Variants in ZBTB20 observed in about 807,000 individuals in gnomAD.
ZBTB20 encodes zinc finger and BTB domain-containing protein 20.
In ZBTB20, 9 loss-of-function variants were observed where a neutral mutation model predicts 56.9. The ratio of observed to expected loss-of-function variants is 0.16; its 90% CI spans 0.10 to 0.28. The LOEUF (loss-of-function observed/expected upper bound fraction) is 0.28. Among genes scored for constraint, ZBTB20 ranks in the 10% least tolerant of loss-of-function variants. ZBTB20 has a pLI of 1.00. For missense variants in ZBTB20, 655 were observed against 1,003.0 expected (o/e 0.65, Z 4.69); for synonymous variants, 417 against 420.7 (o/e 0.99, Z 0.11).
intron 4 of ZBTB20, among the ~76,000 whole-genome samples, chr3:114,801,458 A>T (rs1196508513): frequency 2.0e-5 from 3 of 151,526 alleles, no homozygotes; most frequent in Admixed American, 1.3e-4. Context: ...CTTCATAATG[A>T]TATGACTAGA....
At position 114,794,367 on chromosome 3, in the gene ZBTB20, A is replaced by G. The variant is rs546353760; in HGVS notation, c.-343+6734T>C. ...TTCTACACAAGACCTTGAAAGGGTT[A>G]TGATAGGGGCTTTGATCACATATTA... On this transcript the variant is annotated intron_variant, in intron 5 of 11. Transcript: ENST00000675478. Among the ~76,000 whole-genome samples, 8 of 152,246 alleles carry G rather than the reference A, an allele frequency of 5.3e-5. No individual in the cohort carries two copies. In the East Asian group the frequency reaches 1.5e-3, roughly 29 times the overall value.
intron 5 of ZBTB20, among the ~76,000 whole-genome samples, chr3:114,733,062 C>T (rs2065874901): frequency 6.6e-6 from 1 of 152,002 alleles, no homozygotes; most frequent in African/African-American, 2.4e-5. Context: ...AAATGGTCTA[C>T]CAGACATAAA....
At chr3:114,701,823 G>T (rs1426139337) in intron 5 of ZBTB20, among the ~76,000 whole-genome samples, 2 of 152,088 alleles carry the variant, frequency 1.3e-5, no homozygotes, top group East Asian at 3.9e-4. Context: ...AAGGGTAAAT[G>T]ACTCCTAAAA....
intron 5 of ZBTB20, among the ~76,000 whole-genome samples, chr3:114,715,916 A>G (rs753502891): frequency 4.6e-5 from 7 of 152,220 alleles, no homozygotes; most frequent in Non-Finnish European, 1.0e-4. Flanking sequence ...GATTCTGAGC[A>G]ACTAGAGGCT....
chr3:114,845,602 T>C (rs1418458523), intron 4 of ZBTB20, among the ~76,000 whole-genome samples: 1 of 151,872 alleles, frequency 6.6e-6, no homozygotes, highest in Non-Finnish European at 1.5e-5. Context: ...CAATTGTAAA[T>C]AAGCCTCAGG....
At chr3:114,587,767 T>C (rs1248695480) in intron 6 of ZBTB20, among the ~76,000 whole-genome samples, 1 of 152,172 alleles carries the variant, frequency 6.6e-6, no homozygotes, top group Non-Finnish European at 1.5e-5. Context: ...GCCTTTTCTC[T>C]CTTGCTTACT....
chr3:114,884,172 G>T (rs534830399), intron 4 of ZBTB20, among the ~76,000 whole-genome samples: 36 of 151,558 alleles, frequency 2.4e-4, no homozygotes, highest in African/African-American at 8.5e-4. Context: ...TGATCCGCCC[G>T]CCTCGGCCTC....
intron 1 of ZBTB20, among the ~76,000 whole-genome samples, chr3:115,080,876 G>T (rs566441373): frequency 1.8e-4 from 27 of 152,152 alleles, no homozygotes; most frequent in Non-Finnish European, 3.4e-4. Context: ...GTAGAAGCAG[G>T]GAGGGAAGCT....
At chr3:114,995,332 A>C (rs1020073897) in intron 2 of ZBTB20, among the ~76,000 whole-genome samples, 1 of 152,014 alleles carries the variant, frequency 6.6e-6, no homozygotes, top group East Asian at 1.9e-4. Context: ...ATACTTTTGA[A>C]ATAGTTCATA....
At chr3:115,015,430 C>A (rs1027390544) in intron 2 of ZBTB20, among the ~76,000 whole-genome samples, 1 of 151,706 alleles carries the variant, frequency 6.6e-6, no homozygotes, top group Non-Finnish European at 1.5e-5. Flanking sequence ...TTAAACCCAG[C>A]ATCCATTAAC....
Position 114,350,549 on chromosome 3 carries a change from G to A in ZBTB20, c.1529C>T (p.Ala510Val), listed in dbSNP as rs1187049420. 6.2e-7 allele frequency: 1 copy of A among 1,614,040 alleles called. No individual in the cohort carries two copies. Among genetic ancestry groups the A allele is most frequent in the Non-Finnish European group, 8.5e-7 (1 of 1,180,020 alleles). Reference protein sequence around the residue: ...IGTAGNTYLPALFTTQPAGSG... With the variant: ...IGTAGNTYLPVLFTTQPAGSG... ...GCCCGCGGGCTGGGTAGTGAAGAGG[G>A]CTGGCAGGTAGGTGTTGCCAGCTGT... is the stretch of plus-strand genomic sequence containing the variant. Residue 510 changes from alanine to valine, a missense_variant, in exon 11 of 12, where the codon GCC (alanine) becomes GTC (valine). Coordinates refer to ENST00000675478, the MANE Select transcript of ZBTB20 (RefSeq NM_001348800.3).
chr3:114,619,002 C>G (rs2058127191), intron 6 of ZBTB20, among the ~76,000 whole-genome samples: 1 of 152,120 alleles, frequency 6.6e-6, no homozygotes, highest in South Asian at 2.1e-4. Flanking sequence ...GTGGATTAGG[C>G]ACTCATATAA....
At chr3:114,917,758 G>A (rs1304180870) in intron 3 of ZBTB20, among the ~76,000 whole-genome samples, 1 of 147,560 alleles carries the variant, frequency 6.8e-6, no homozygotes, top group African/African-American at 2.5e-5. Context: ...GCTGCCTGGT[G>A]CTGGGCTGGG....
At chr3:114,754,501 G>A (rs746939907) in intron 5 of ZBTB20, among the ~76,000 whole-genome samples, 13 of 152,084 alleles carry the variant, frequency 8.5e-5, no homozygotes, top group Non-Finnish European at 1.3e-4. Context: ...ACCAACAACT[G>A]TATACTTAGT....
intron 6 of ZBTB20, among the ~76,000 whole-genome samples, chr3:114,551,189 T>C (rs574891696): frequency 1.3e-3 from 204 of 152,350 alleles, no homozygotes; most frequent in Non-Finnish European, 2.4e-3. Context: ...TTGAATATAG[T>C]GATGCATTTA....
chr3:114,863,781 A>G (rs1303768117), intron 4 of ZBTB20, among the ~76,000 whole-genome samples: 1 of 152,088 alleles, frequency 6.6e-6, no homozygotes, highest in Non-Finnish European at 1.5e-5. Context: ...TGCAGCTTTT[A>G]CAAGTATTTC....
intron 6 of ZBTB20, among the ~76,000 whole-genome samples, chr3:114,636,674 T>C (rs2059291540): frequency 6.6e-6 from 1 of 151,468 alleles, no homozygotes; most frequent in South Asian, 2.1e-4. Flanking sequence ...AGTAGATATA[T>C]AAAACATAAA....
intron 3 of ZBTB20, among the ~76,000 whole-genome samples, chr3:114,922,522 T>A (rs952237941): frequency 6.6e-6 from 1 of 152,142 alleles, no homozygotes; most frequent in Non-Finnish European, 1.5e-5. Flanking sequence ...GTTCCCTACA[T>A]TAATAAAGAA....
At chr3:114,623,907 G>A (rs2058490601) in intron 6 of ZBTB20, among the ~76,000 whole-genome samples, 1 of 152,128 alleles carries the variant, frequency 6.6e-6, no homozygotes, top group Admixed American at 6.5e-5. Flanking sequence ...CTGCTCCTGA[G>A]CATAGCCTCA....
Sources: allele counts gnomAD v4.1 joint callset (sites outside exome capture counted in the v4.1 genomes callset), GRCh38; gene constraint gnomAD v4.1.1; transcripts MANE v1.5; gene names NCBI Gene and HGNC (gene_info 2026-07-23, HGNC 2026-07-21).